Variants in PDGFRB observed in about 807,000 individuals in gnomAD.
PDGFRB encodes platelet-derived growth factor receptor beta.
Under a neutral mutation model 120.2 loss-of-function variants are expected in PDGFRB, and 42 were observed. The ratio of observed to expected loss-of-function variants is 0.35; its 90% CI spans 0.27 to 0.45. The LOEUF (loss-of-function observed/expected upper bound fraction) is 0.45. PDGFRB is among the 20% of genes least tolerant of loss of function. The pLI, the probability that PDGFRB is intolerant of heterozygous loss-of-function variation, is 1.00. For missense variants in PDGFRB, 1,149 were observed against 1,476.3 expected, an observed-to-expected ratio of 0.78 and a Z score of 3.63; for synonymous variants, 586 against 606.8, an observed-to-expected ratio of 0.97 and a Z score of 0.50.
At position 150,155,820 on chromosome 5, in the gene PDGFRB, A is replaced by G. The variant is rs1051617558; in HGVS notation, c.-430T>C. The G allele has an allele frequency of 8.8e-5, 35 of 397,056 alleles. No homozygotes were observed. The highest frequency in any genetic ancestry group is 1.5e-4 in the Non-Finnish European group (34 of 225,672). 24.6% of individuals were successfully genotyped at this position (397,056 alleles called of 1,614,324 possible). ...CACAGAGCGATCCTGGGTCCCAGATAGGGCGGGCAGTCACTGCTGGCTGCT... is the reference window on the plus strand; with the variant it reads ...CACAGAGCGATCCTGGGTCCCAGATGGGGCGGGCAGTCACTGCTGGCTGCT... On this transcript the variant is annotated 5_prime_UTR_variant, in exon 1 of 23. Coordinates refer to ENST00000261799, the MANE Select transcript of PDGFRB (RefSeq NM_002609.4).
chr5:150,129,368 C>T (rs1315387249), intron 10 of PDGFRB, among the ~76,000 whole-genome samples: 1 of 152,174 alleles, frequency 6.6e-6, no homozygotes, highest in Non-Finnish European at 1.5e-5. Context: ...TGCTTATACA[C>T]ATACACTCTA....
chr5:150,115,964 T>G lies in PDGFRB; in HGVS notation c.3138-18A>C, dbSNP rs777797831. The G allele has an allele frequency of 1.3e-6, 2 of 1,550,392 alleles. No individual in the cohort carries two copies. Among genetic ancestry groups the G allele is most frequent in the South Asian group, 2.4e-5 (2 of 83,870 alleles). On this transcript the variant is annotated intron_variant, in intron 22 of 22. Coordinates refer to ENST00000261799, the MANE Select transcript of PDGFRB (RefSeq NM_002609.4). ...GGGTGGAGCTAGAGGAAAGAGGCAG[T>G]GAGTGAGGGGCTAGGAAGGAGCCCA...
intron 1 of PDGFRB, among the ~76,000 whole-genome samples, chr5:150,147,510 C>T (rs115670940): frequency 6.6e-6 from 1 of 152,178 alleles, no homozygotes; most frequent in Admixed American, 6.5e-5. Flanking sequence ...GGCCTTGGGC[C>T]ATTCACACTG....
intron 13 of PDGFRB, 135 bp downstream of exon 13, chr5:150,124,592 C>T (rs1760241226): frequency 3.2e-6 from 2 of 622,822 alleles, no homozygotes; most frequent in Middle Eastern, 3.1e-4. Context: ...GACTCGGGAG[C>T]AGTGCCTGCT....
Position 150,121,360 on chromosome 5 carries a change from C to T in PDGFRB, c.2345-38G>A. 1 of 936,006 alleles carries T rather than the reference C, an allele frequency of 1.1e-6. No homozygotes were observed. 58.0% of individuals were successfully genotyped at this position (936,006 alleles called of 1,614,324 possible). The stretch of plus-strand genomic sequence containing the variant: ...CAGAGGGTCACCTGCTATCTTATAT[C>T]TCCTTCTGGCCCACAGGACCCCTGC... On this transcript the variant is annotated intron_variant, in intron 16 of 22. Coordinates refer to ENST00000261799, the MANE Select transcript of PDGFRB (RefSeq NM_002609.4). This position sits in a 1 kb window ranked among gnomAD's most constrained non-coding sequence, Gnocchi z 4.1.
Position 150,120,081 on chromosome 5 carries a change from T to G in PDGFRB, c.2629A>C (p.Asn877His). The change falls in exon 19 of 23, where the codon AAC becomes CAC. Residue 877 changes from asparagine to histidine, a missense_variant. By Grantham distance (68) the Asn-to-His change is moderately conservative. This residue lies in a region of PDGFRB where 68 missense variants were observed against 153.3 expected (regional missense o/e 0.44). Transcript: ENST00000261799. This position sits in a 1 kb window ranked among gnomAD's most constrained non-coding sequence, Gnocchi z 4.3. ...TCGCTCAGGGTGGTGTAGAGGCTGT[T>G]GAAGATGCTCTCCGGAGCCATCCAC... ...LKWMAPESIF[N>H]SLYTTLSDVW... is the part of the protein sequence containing the mutation. The G allele has an allele frequency of 1.9e-6, 3 of 1,606,858 alleles. No individual in the cohort carries two copies. The highest frequency in any genetic ancestry group is 2.6e-6 in the Non-Finnish European group (3 of 1,173,386).
chr5:150,117,554 A>C (rs933023775), intron 22 of PDGFRB, 64 bp downstream of exon 22: 85 of 825,128 alleles, frequency 1.0e-4, no homozygotes, highest in Non-Finnish European at 1.6e-4. Flanking sequence ...GCACACACAC[A>C]CACACACACA....
chr5:150,135,958 G>C (rs1237343802), intron 2 of PDGFRB, 80 bp from the exon 3 acceptor site: 1 of 911,754 alleles, frequency 1.1e-6, no homozygotes, highest in African/African-American at 1.7e-5. Flanking sequence ...AGGAGGCCAC[G>C]TATGCACAGC....
At position 150,114,571 on chromosome 5, in the gene PDGFRB, C is replaced by CT. The variant is rs1342671741; in HGVS notation, c.*1191dup. The CT allele has an allele frequency of 4.3e-6, 1 of 233,252 alleles. No individual in the cohort carries two copies. Among genetic ancestry groups the CT allele is most frequent in the Non-Finnish European group, 8.5e-6 (1 of 117,900 alleles). The allele number at this position is 233,252 out of a possible 1,614,324, so 14.4% of individuals were successfully genotyped here. On this transcript the variant is annotated 3_prime_UTR_variant, in exon 23 of 23. Transcript: ENST00000261799. ...GCTTTCCAGGACACCGGCTGTCACT[C>CT]TAAGTCAAGGCCTGTGCAGCTGTGT... is the stretch of plus-strand genomic sequence containing the variant.
At chr5:150,141,642 T>C (rs1760787715) in intron 1 of PDGFRB, among the ~76,000 whole-genome samples, 1 of 151,926 alleles carries the variant, frequency 6.6e-6, no homozygotes, top group South Asian at 2.1e-4. Context: ...ACAGATGGAT[T>C]TGAGAGTTAC....
In PDGFRB at chr5:150,114,557, C is replaced by T. The variant is rs534143649; in HGVS notation, c.*1206G>A. Reference sequence around the variant, plus strand: ...GGCAGCTGCTGGGGGCTTTCCAGGACACCGGCTGTCACTCTAAGTCAAGGC... The same window carrying T: ...GGCAGCTGCTGGGGGCTTTCCAGGATACCGGCTGTCACTCTAAGTCAAGGC... On this transcript the variant is annotated 3_prime_UTR_variant, in exon 23 of 23. Transcript: ENST00000261799. The T allele has an allele frequency of 3.9e-5, 9 of 233,292 alleles. No homozygotes were observed. The South Asian group carries it at 1.5e-3, about 38-fold the overall frequency. The allele number at this position is 233,292 out of a possible 1,614,324, so 14.5% of individuals were successfully genotyped here.
intron 22 of PDGFRB, 52 bp from the exon 23 acceptor site, chr5:150,115,998 C>T: frequency 2.6e-6 from 4 of 1,509,754 alleles, no homozygotes; most frequent in Non-Finnish European, 2.7e-6. Context: ...CAGGAGGATT[C>T]CAGCAGCAGT....
chr5:150,117,752 G>A lies in PDGFRB; in HGVS notation c.3003C>T (p.Pro1001=), dbSNP rs746273297. 11 of 1,613,634 alleles carry A rather than the reference G, an allele frequency of 6.8e-6. No homozygotes were observed. The highest frequency in any genetic ancestry group is 8.5e-6 in the Non-Finnish European group (10 of 1,179,634). The part of the protein sequence containing the change: ...RLPGFHGLRS[P]LDTSSVLYTA... ...TATAGAGGACGGAGCTGGTGTCCAG[G>A]GGAGATCGGAGGCCATGGAACCCAG... Residue 1001 remains proline, a synonymous_variant, in exon 22 of 23, where the codon CCC becomes CCT. Transcript: ENST00000261799.
chr5:150,127,830 T>A (rs1285141777), intron 10 of PDGFRB, among the ~76,000 whole-genome samples: 1 of 36,424 alleles, frequency 2.7e-5, no homozygotes, highest in African/African-American at 1.3e-4. Context: ...CCAGACTCCA[T>A]CTTAAAAAAA....
intron 22 of PDGFRB, 80 bp downstream of exon 22, chr5:150,117,538 G>GCT: frequency 1.7e-6 from 1 of 586,066 alleles, no homozygotes; most frequent in Non-Finnish European, 3.0e-6. Context: ...GCGCGCGCGC[G>GCT]CGCGCGCACA....
At chr5:150,118,407 G>A (rs924894972) in intron 21 of PDGFRB, among the ~76,000 whole-genome samples, 2 of 152,168 alleles carry the variant, frequency 1.3e-5, no homozygotes, top group African/African-American at 4.8e-5. Flanking sequence ...GCGGTTCATG[G>A]TCATGTAACC....
At position 150,125,438 on chromosome 5, in the gene PDGFRB, G is replaced by A. The variant is rs373455566; in HGVS notation, c.1807+7C>T. On this transcript the variant is annotated splice_region_variant and intron_variant, in intron 12 of 22. Transcript: ENST00000261799. ...CACACTGCCACATGAGGCCTCTCAG[G>A]ACTGACCCAGCACAAGCTGGTCCCG... 6.2e-7 allele frequency: 1 copy of A among 1,610,384 alleles called. No individual in the cohort carries two copies. Among genetic ancestry groups the A allele is most frequent in the Admixed American group, 1.7e-5 (1 of 59,908 alleles).
rs185787234 is a variant in PDGFRB at position 150,121,693 on chromosome 5, A to G, written c.2344+187T>C. Among the ~76,000 whole-genome samples the G allele has an allele frequency of 6.6e-6, 1 of 152,118 alleles. No homozygotes were observed. Among genetic ancestry groups the G allele is most frequent in the African/African-American group, 2.4e-5 (1 of 41,424 alleles). ...CTGAGGGTTCTACGCATGTTTCCGG[A>G]TCCATAAACAGGGCTTCCGTTTAGG... On this transcript the variant is annotated intron_variant, in intron 16 of 22. Coordinates refer to ENST00000261799, the MANE Select transcript of PDGFRB (RefSeq NM_002609.4). The surrounding 1 kb of genome is among the most constrained non-coding windows in gnomAD (Gnocchi z 4.1).
chr5:150,153,886 G>A (rs563500236), intron 1 of PDGFRB: 2 of 152,308 alleles, frequency 1.3e-5, no homozygotes, highest in African/African-American at 4.8e-5. Flanking sequence ...GGGAGCAGAA[G>A]GTCTTCAGTG....
Sources: gnomAD v4.1 joint callset for allele counts (sites outside exome capture counted in the v4.1 genomes callset) on GRCh38, gnomAD v4.1.1 for gene constraint, gnomAD v4.1.1 regional missense constraint, Gnocchi (gnomAD v3.1) non-coding constraint, MANE v1.5 for transcripts, NCBI Gene and HGNC (gene_info 2026-07-23, HGNC 2026-07-21) for gene names.